DLG2: variants seen among roughly 807,000 people sequenced by gnomAD.
The protein encoded by DLG2 is disks large homolog 2.
A neutral mutation model predicts 132.5 loss-of-function variants in DLG2; 45 were observed. The observed-to-expected ratio is 0.34, with a 90% CI of 0.27 to 0.44. The LOEUF is 0.44. Among genes scored for constraint, DLG2 ranks in the 20% least tolerant of loss-of-function variants. The pLI, the probability that DLG2 is intolerant of heterozygous loss-of-function variation, is 1.00. For synonymous variants in DLG2, 424 were observed against 419.6 expected (o/e 1.01, Z -0.13); for missense variants, 1,045 against 1,196.9 (o/e 0.87, Z 1.87).
At chr11:84,655,136 G>T (rs1024381391) in intron 6 of DLG2, among the ~76,000 whole-genome samples, 3 of 152,060 alleles carry the variant, frequency 2.0e-5, no homozygotes, top group African/African-American at 7.2e-5. Flanking sequence ...TATATGAAAG[G>T]CTCTGATCTG....
chr11:84,851,929 ATAT>A (rs1193928815), intron 6 of DLG2, among the ~76,000 whole-genome samples: 8 of 152,152 alleles, frequency 5.3e-5, no homozygotes, highest in African/African-American at 1.9e-4. Flanking sequence ...CACAATAAAA[ATAT>A]TAATTAAATA....
At chr11:83,687,621 T>A (rs1326124480) in intron 18 of DLG2, among the ~76,000 whole-genome samples, 1 of 152,198 alleles carries the variant, frequency 6.6e-6, no homozygotes, top group African/African-American at 2.4e-5. Context: ...AGTAGTTGGA[T>A]TTTTTTCGTA....
chr11:84,874,964 G>C (rs938744344), intron 6 of DLG2, among the ~76,000 whole-genome samples: 5 of 148,838 alleles, frequency 3.4e-5, no homozygotes, highest in Admixed American at 2.0e-4. Context: ...ACATTATAGT[G>C]AGTCGAGATT....
intron 6 of DLG2, among the ~76,000 whole-genome samples, chr11:84,965,299 G>T (rs893783488): frequency 6.6e-6 from 1 of 151,702 alleles, no homozygotes; most frequent in African/African-American, 2.4e-5. Context: ...GTGTGTGCAC[G>T]GTTTTAAACT....
chr11:83,481,432 T>G (rs1044408366), intron 22 of DLG2, among the ~76,000 whole-genome samples: 2 of 152,014 alleles, frequency 1.3e-5, no homozygotes, highest in African/African-American at 2.4e-5. Flanking sequence ...ATAACATCAG[T>G]TTTTTAAAAA....
chr11:84,028,601 G>T (rs2095605385), intron 11 of DLG2, among the ~76,000 whole-genome samples: 1 of 152,020 alleles, frequency 6.6e-6, no homozygotes, highest in Non-Finnish European at 1.5e-5. Flanking sequence ...AATTACAGAT[G>T]AATTCTCTCT....
intron 15 of DLG2, among the ~76,000 whole-genome samples, chr11:83,881,628 A>T (rs1454150355): frequency 6.6e-6 from 1 of 152,180 alleles, no homozygotes; most frequent in Non-Finnish European, 1.5e-5. Context: ...TGCGCTGTTG[A>T]GCTCTCTTAA....
intron 6 of DLG2, among the ~76,000 whole-genome samples, chr11:84,565,244 T>C (rs1405916446): frequency 6.6e-6 from 1 of 152,170 alleles, no homozygotes; most frequent in Admixed American, 6.5e-5. Flanking sequence ...GCACTCAAAT[T>C]ACCTGTAAAA....
intron 7 of DLG2, among the ~76,000 whole-genome samples, chr11:84,279,514 T>C (rs1437947306): frequency 6.6e-6 from 1 of 152,218 alleles, no homozygotes; most frequent in Non-Finnish European, 1.5e-5. Context: ...CACATGTATG[T>C]TTATTGTGGC....
intron 6 of DLG2, among the ~76,000 whole-genome samples, chr11:84,834,939 A>G (rs185742579): frequency 6.6e-6 from 1 of 151,540 alleles, no homozygotes; most frequent in Non-Finnish European, 1.5e-5. Context: ...TCTGACATCA[A>G]TTAAGTTTGG....
intron 18 of DLG2, among the ~76,000 whole-genome samples, chr11:83,777,389 G>A (rs1003839038): frequency 1.9e-4 from 29 of 152,212 alleles, no homozygotes; most frequent in Non-Finnish European, 5.9e-5. Context: ...TATTTCTTGG[G>A]CTTGGGTTTC....
intron 18 of DLG2, among the ~76,000 whole-genome samples, chr11:83,720,236 T>C (rs1266956135): frequency 8.2e-6 from 1 of 121,542 alleles, no homozygotes; most frequent in East Asian, 2.7e-4. Context: ...GGAGTTGCAA[T>C]GAGCCAACAT....
Position 84,392,222 on chromosome 11 carries a change from G to A in DLG2, c.520-140931C>T, listed in dbSNP as rs376105382. Among the ~76,000 whole-genome samples the A allele has an allele frequency of 1.6e-4, 24 of 152,156 alleles. No individual in the cohort carries two copies. In the East Asian group the frequency reaches 4.1e-3, roughly 26 times the overall value. On this transcript the variant is annotated intron_variant, in intron 7 of 27. Coordinates refer to ENST00000376104, the MANE Select transcript of DLG2 (RefSeq NM_001142699.3). The stretch of plus-strand genomic sequence containing the variant: ...TTCTTCTTCCAATACTTAGTTGTTC[G>A]CTTTTTGTTTTCCCCGCTAGCGTGC...
intron 18 of DLG2, among the ~76,000 whole-genome samples, chr11:83,761,667 G>A (rs991703142): frequency 6.6e-6 from 1 of 152,082 alleles, no homozygotes. Flanking sequence ...CTGATTGAAT[G>A]CAAATGGCTA....
chr11:84,418,080 G>A (rs931401080), intron 7 of DLG2, among the ~76,000 whole-genome samples: 6 of 152,092 alleles, frequency 3.9e-5, no homozygotes, highest in Admixed American at 2.6e-4. Context: ...TTTGCTCTTT[G>A]ACCATAACCA....
intron 3 of DLG2, among the ~76,000 whole-genome samples, chr11:85,467,700 A>T (rs760655835): frequency 1.2e-4 from 19 of 152,060 alleles, no homozygotes; most frequent in Non-Finnish European, 2.2e-4. Context: ...TGTGCCCCTG[A>T]ATTCAGTTTG....
intron 6 of DLG2, among the ~76,000 whole-genome samples, chr11:84,943,149 G>A (rs531563853): frequency 1.4e-5 from 2 of 146,476 alleles, no homozygotes; most frequent in Admixed American, 7.0e-5. Context: ...ACAGATTTTT[G>A]GGTCGTGTGT....
intron 18 of DLG2, among the ~76,000 whole-genome samples, chr11:83,641,393 T>C (rs997844697): frequency 1.3e-5 from 2 of 152,196 alleles, no homozygotes; most frequent in African/African-American, 4.8e-5. Context: ...CATATGATGA[T>C]ACAAAAATAA....
At chr11:84,300,591 C>T (rs1189946462) in intron 7 of DLG2, among the ~76,000 whole-genome samples, 3 of 151,916 alleles carry the variant, frequency 2.0e-5, no homozygotes, top group Non-Finnish European at 4.4e-5. Flanking sequence ...TCCTTCATTC[C>T]TTCCTTCCAG....
Sources: allele counts gnomAD v4.1 joint callset (sites outside exome capture counted in the v4.1 genomes callset), GRCh38; gene constraint gnomAD v4.1.1; transcripts MANE v1.5; gene names NCBI Gene and HGNC (gene_info 2026-07-23, HGNC 2026-07-21).